MVB12B: variants seen among roughly 807,000 people sequenced by gnomAD.
MVB12B encodes ESCRT-I complex subunit MVB12B.
Under a neutral mutation model 41.6 loss-of-function variants are expected in MVB12B, and 16 were observed. The observed-to-expected ratio is 0.38, with a 90% CI of 0.26 to 0.58. The LOEUF (loss-of-function observed/expected upper bound fraction) is 0.58. MVB12B is among the 20% of genes least tolerant of loss of function. The pLI, the probability that MVB12B is intolerant of heterozygous loss-of-function variation, is 0.62. For missense variants in MVB12B, 274 were observed against 380.2 expected, an observed-to-expected ratio of 0.72 and a Z score of 2.32; for synonymous variants, 133 against 139.7, an observed-to-expected ratio of 0.95 and a Z score of 0.34.
chr9:126,430,503 T>G (rs940578062), intron 7 of MVB12B, among the ~76,000 whole-genome samples: 3 of 152,038 alleles, frequency 2.0e-5, no homozygotes, highest in Non-Finnish European at 4.4e-5. Context: ...ACTACTCTGT[T>G]GGAGAGTTTT....
chr9:126,419,926 T>C (rs1203544821), intron 6 of MVB12B, among the ~76,000 whole-genome samples: 1 of 152,156 alleles, frequency 6.6e-6, no homozygotes, highest in East Asian at 1.9e-4. Flanking sequence ...GGAACCTCCA[T>C]CCTAGGAGTT....
chr9:126,450,316 G>A (rs1207455292), intron 7 of MVB12B, among the ~76,000 whole-genome samples: 3 of 152,222 alleles, frequency 2.0e-5, no homozygotes, highest in Non-Finnish European at 4.4e-5. Context: ...AGATCTGTCC[G>A]GGGACTAGTG....
At chr9:126,431,803 A>G (rs1278800616) in intron 7 of MVB12B, among the ~76,000 whole-genome samples, 1 of 152,220 alleles carries the variant, frequency 6.6e-6, no homozygotes, top group Non-Finnish European at 1.5e-5. Context: ...AGGCCAGCAG[A>G]GATCCTAGCC....
At chr9:126,412,471 T>C (rs978639329) in intron 6 of MVB12B, among the ~76,000 whole-genome samples, 1 of 152,196 alleles carries the variant, frequency 6.6e-6, no homozygotes, top group Non-Finnish European at 1.5e-5. Flanking sequence ...AGACACATTA[T>C]ATAGAAAACA....
Position 126,395,468 on chromosome 9 carries a change from C to G in MVB12B, c.540-107C>G. The stretch of plus-strand genomic sequence containing the variant: ...TCACGTGGAGGGCAAGAATTGATTC[C>G]CTGGTGTTTGAGGCCATGACTCTTT... On this transcript the variant is annotated intron_variant, in intron 5 of 9. Coordinates refer to ENST00000361171, the MANE Select transcript of MVB12B (RefSeq NM_033446.3). This position sits in a 1 kb window ranked among gnomAD's most constrained non-coding sequence, Gnocchi z 4.9. The G allele has an allele frequency of 7.5e-7, 1 of 1,336,172 alleles. No homozygotes were observed. The allele number at this position is 1,336,172 out of a possible 1,614,324, so 82.8% of individuals were successfully genotyped here. A position where few individuals can be genotyped will look rare whatever the true frequency, so the allele number is the denominator to read the frequency against.
At position 126,436,113 on chromosome 9, in the gene MVB12B, C is replaced by G. The variant is rs551206942; in HGVS notation, c.757+14165C>G. Among the ~76,000 whole-genome samples, 276 of 152,320 alleles carry G rather than the reference C, an allele frequency of 1.8e-3. 1 individual carries two copies. The highest frequency in any genetic ancestry group is 6.5e-3 in the African/African-American group (272 of 41,568). On this transcript the variant is annotated intron_variant, in intron 7 of 9. Coordinates refer to ENST00000361171, the MANE Select transcript of MVB12B (RefSeq NM_033446.3). This position sits in a 1 kb window ranked among gnomAD's most constrained non-coding sequence, Gnocchi z 4.1. The stretch of plus-strand genomic sequence containing the variant: ...GTAATTTTGGGGAAAAAAAGAGATG[C>G]TGTTTTTTGGATCACTGCACAAGAA...
intron 9 of MVB12B, among the ~76,000 whole-genome samples, chr9:126,493,972 C>T (rs920950447): frequency 4.6e-5 from 7 of 152,250 alleles, no homozygotes; most frequent in African/African-American, 1.2e-4. Context: ...TGCCATTGTC[C>T]GACACCTCGG....
intron 9 of MVB12B, among the ~76,000 whole-genome samples, chr9:126,502,305 C>T (rs1051461212): frequency 6.6e-6 from 1 of 152,098 alleles, no homozygotes; most frequent in Admixed American, 6.6e-5. Flanking sequence ...CGTGCCTGCT[C>T]TGCCCACATG....
intron 2 of MVB12B, among the ~76,000 whole-genome samples, chr9:126,361,789 C>T (rs113211868): frequency 6.6e-6 from 1 of 151,810 alleles, no homozygotes; most frequent in South Asian, 2.1e-4. Flanking sequence ...TGGTGCACAC[C>T]TGTAATCCCA....
Position 126,396,911 on chromosome 9 carries a change from A to C in MVB12B, c.662+1214A>C, listed in dbSNP as rs1831131495. On this transcript the variant is annotated intron_variant, in intron 6 of 9. Coordinates refer to ENST00000361171, the MANE Select transcript of MVB12B (RefSeq NM_033446.3). ...CAAGAGTGTGAGGTTCGCACTGCCC[A>C]TCAGCACTTGTTCCTCACTTCTGAG... is the stretch of plus-strand genomic sequence containing the variant. 5.1e-6 allele frequency: 5 copies of C among 985,514 alleles called. No homozygotes were observed. In the South Asian group the frequency reaches 2.3e-4, roughly 46 times the overall value. 61.0% of individuals were successfully genotyped at this position (985,514 alleles called of 1,614,324 possible).
intron 7 of MVB12B, among the ~76,000 whole-genome samples, chr9:126,456,182 C>T (rs936914309): frequency 3.3e-5 from 5 of 152,150 alleles, no homozygotes; most frequent in Admixed American, 1.3e-4. Context: ...TGAGCCACCA[C>T]GCCCCGCCTG....
At chr9:126,501,822 G>A (rs1017547792) in intron 9 of MVB12B, among the ~76,000 whole-genome samples, 1 of 152,098 alleles carries the variant, frequency 6.6e-6, no homozygotes, top group Non-Finnish European at 1.5e-5. Context: ...CAGGCGGCTC[G>A]CTCTGGGCAG....
intron 3 of MVB12B, among the ~76,000 whole-genome samples, chr9:126,385,628 C>A (rs7021581): frequency 6.6e-6 from 1 of 152,042 alleles, no homozygotes; most frequent in Non-Finnish European, 1.5e-5. Flanking sequence ...GGATGAGGCA[C>A]TTCTGCAAAA....
chr9:126,365,700 A>G (rs1201420888), intron 2 of MVB12B, among the ~76,000 whole-genome samples: 1 of 152,278 alleles, frequency 6.6e-6, no homozygotes, highest in East Asian at 1.9e-4. Flanking sequence ...GTTTCTCTAA[A>G]TCAGCTGGCA....
At chr9:126,363,192 A>T (rs1830071645) in intron 2 of MVB12B, among the ~76,000 whole-genome samples, 1 of 152,184 alleles carries the variant, frequency 6.6e-6, no homozygotes, top group Admixed American at 6.5e-5. Flanking sequence ...GTCTCAAAAA[A>T]AAAAAGAAAA....
At chr9:126,479,082 G>C (rs1222345594) in intron 7 of MVB12B, among the ~76,000 whole-genome samples, 1 of 151,858 alleles carries the variant, frequency 6.6e-6, no homozygotes, top group Non-Finnish European at 1.5e-5. Flanking sequence ...GGAAGAGATG[G>C]ATGTGGGCAG....
intron 7 of MVB12B, among the ~76,000 whole-genome samples, chr9:126,422,545 C>T (rs1257803793): frequency 6.6e-6 from 1 of 152,188 alleles, no homozygotes; most frequent in Admixed American, 6.5e-5. Flanking sequence ...TCATTAGGTG[C>T]TTGGCAGCAC....
rs138206358 is a variant in MVB12B, at chr9:126,474,364, A to G, written c.758-7005A>G. ...AGGAAGGAAGTAAACGTGGCTCCCCAGGAGAAGCCAGGACGGAGATGATTC... is the reference window on the plus strand; with the variant it reads ...AGGAAGGAAGTAAACGTGGCTCCCCGGGAGAAGCCAGGACGGAGATGATTC... On this transcript the variant is annotated intron_variant, in intron 7 of 9. Coordinates refer to ENST00000361171, the MANE Select transcript of MVB12B (RefSeq NM_033446.3). Among the ~76,000 whole-genome samples, 307 of 152,392 alleles carry G rather than the reference A, an allele frequency of 2.0e-3. 1 individual carries two copies. The highest frequency in any genetic ancestry group is 6.5e-3 in the African/African-American group (269 of 41,594).
intron 6 of MVB12B, among the ~76,000 whole-genome samples, chr9:126,411,007 C>A (rs553759212): frequency 1.3e-5 from 2 of 151,952 alleles, no homozygotes; most frequent in Admixed American, 1.3e-4. Flanking sequence ...CCTGCCTCAG[C>A]CTCCTGAGTA....
Sources: gnomAD v4.1 joint callset for allele counts (sites outside exome capture counted in the v4.1 genomes callset) on GRCh38, gnomAD v4.1.1 for gene constraint, Gnocchi (gnomAD v3.1) non-coding constraint, MANE v1.5 for transcripts, NCBI Gene and HGNC (gene_info 2026-07-23, HGNC 2026-07-21) for gene names.